Variants in FRMD5 observed in about 807,000 individuals in gnomAD.
FRMD5 encodes the protein FERM domain containing 5.
FRMD5 carries 20 observed loss-of-function variants against 69.0 expected under a neutral mutation model. The ratio of observed to expected loss-of-function variants is 0.29; its 90% CI spans 0.20 to 0.42. The LOEUF (loss-of-function observed/expected upper bound fraction) is 0.42, where lower values mean the gene tolerates loss of function less well. FRMD5 is among the 10% of genes least tolerant of loss of function. FRMD5 has a pLI of 1.00. For missense variants in FRMD5, 595 were observed against 708.6 expected (o/e 0.84, Z 1.82); for synonymous variants, 271 against 260.1 (o/e 1.04, Z -0.40).
At chr15:43,925,699 A>G (rs2089572796) in intron 1 of FRMD5, among the ~76,000 whole-genome samples, 2 of 151,914 alleles carry the variant, frequency 1.3e-5, no homozygotes, top group East Asian at 3.9e-4. Flanking sequence ...ACCCAAAATC[A>G]TTTTCCTCAC....
intron 1 of FRMD5, among the ~76,000 whole-genome samples, chr15:44,077,377 C>T (rs1385215690): frequency 3.9e-5 from 6 of 152,008 alleles, no homozygotes; most frequent in Admixed American, 3.9e-4. Context: ...GAAATGGGCA[C>T]TTATTTAAAA....
chr15:43,888,066 C>A, intron 10 of FRMD5, 109 bp downstream of exon 10: 1 of 773,118 alleles, frequency 1.3e-6, no homozygotes, highest in Non-Finnish European at 2.2e-6. Flanking sequence ...AAGCTCTTGC[C>A]CACTTCCAGC....
chr15:44,024,986 C>T (rs1566905494), intron 1 of FRMD5, among the ~76,000 whole-genome samples: 1 of 152,166 alleles, frequency 6.6e-6, no homozygotes, highest in Non-Finnish European at 1.5e-5. Flanking sequence ...TTTTAAATCT[C>T]AACTTTACCA....
At chr15:44,139,949 T>A (rs1249458796) in intron 1 of FRMD5, among the ~76,000 whole-genome samples, 1 of 151,940 alleles carries the variant, frequency 6.6e-6, no homozygotes, top group Non-Finnish European at 1.5e-5. Flanking sequence ...TGGACAAAAA[T>A]TCCCCAAGGA....
chr15:44,090,516 TACA>T lies in FRMD5; in HGVS notation c.102+104434_102+104436del, dbSNP rs1234761598. Among the ~76,000 whole-genome samples the T allele has an allele frequency of 2.6e-5, 4 of 151,946 alleles. 1 individual carries two copies. Among genetic ancestry groups the T allele is most frequent in the African/African-American group, 9.6e-5 (4 of 41,462 alleles). ...GAGCAATGGCGTGATCTCGGCTCACTACAACCTCTACCTTCTGGATTCCAGTAA... is the reference window on the plus strand; with the variant it reads ...GAGCAATGGCGTGATCTCGGCTCACTACCTCTACCTTCTGGATTCCAGTAA... On this transcript the variant is annotated intron_variant, in intron 1 of 13. Coordinates refer to ENST00000417257, the MANE Select transcript of FRMD5 (RefSeq NM_032892.5).
chr15:44,031,069 C>T (rs1891660849), intron 1 of FRMD5, among the ~76,000 whole-genome samples: 1 of 152,016 alleles, frequency 6.6e-6, no homozygotes, highest in African/African-American at 2.4e-5. Flanking sequence ...ACTAGATACT[C>T]ACATGCTCTA....
At chr15:43,977,223 G>C (rs1364468389) in intron 1 of FRMD5, among the ~76,000 whole-genome samples, 1 of 152,092 alleles carries the variant, frequency 6.6e-6, no homozygotes, top group Non-Finnish European at 1.5e-5. Context: ...TAAGGGCCAG[G>C]CTTTGTTGTG....
chr15:44,131,940 CTAT>C (rs755781604), intron 1 of FRMD5, among the ~76,000 whole-genome samples: 3 of 152,084 alleles, frequency 2.0e-5, no homozygotes, highest in African/African-American at 4.8e-5. Context: ...CACTTTATTT[CTAT>C]TATTATTACA....
intron 1 of FRMD5, among the ~76,000 whole-genome samples, chr15:44,027,336 C>A (rs549105593): frequency 2.1e-4 from 32 of 152,172 alleles, no homozygotes; most frequent in East Asian, 1.3e-3. Context: ...ACAAAAAAAA[C>A]CCAAAAAAAC....
intron 4 of FRMD5, among the ~76,000 whole-genome samples, chr15:43,912,906 G>T (rs1030059619): frequency 6.6e-6 from 1 of 151,264 alleles, no homozygotes; most frequent in Non-Finnish European, 1.5e-5. Flanking sequence ...TGGTGTCGGC[G>T]TGTAATCCCA....
At chr15:44,102,292 A>C (rs2076652005) in intron 1 of FRMD5, among the ~76,000 whole-genome samples, 1 of 152,246 alleles carries the variant, frequency 6.6e-6, no homozygotes, top group Non-Finnish European at 1.5e-5. Context: ...AAATATAGTC[A>C]AATCCAACAA....
At chr15:44,016,190 A>C (rs1373112829) in intron 1 of FRMD5, among the ~76,000 whole-genome samples, 1 of 152,202 alleles carries the variant, frequency 6.6e-6, no homozygotes, top group Admixed American at 6.5e-5. Context: ...AATGCTGACA[A>C]AATGTGGCAG....
At chr15:44,036,031 A>G (rs1409041585) in intron 1 of FRMD5, among the ~76,000 whole-genome samples, 1 of 152,206 alleles carries the variant, frequency 6.6e-6, no homozygotes, top group Non-Finnish European at 1.5e-5. Context: ...CTGACCTAAG[A>G]GAAGCCTCTG....
chr15:43,888,334 C>A lies in FRMD5; in HGVS notation c.793-68G>T, dbSNP rs1351313761. The A allele has an allele frequency of 1.1e-5, 12 of 1,118,980 alleles. No homozygotes were observed. In the East Asian group the frequency reaches 2.9e-4, roughly 27 times the overall value. The allele number at this position is 1,118,980 out of a possible 1,614,324, so 69.3% of individuals were successfully genotyped here. A position where few individuals can be genotyped will look rare whatever the true frequency, so the allele number is the denominator to read the frequency against. On this transcript the variant is annotated intron_variant, in intron 9 of 13. Transcript: ENST00000417257. ...AAGCAAAGGGTGAAGTAGGCGAGGA[C>A]CCTGACCCCAGAGCTGTTAGAGGCC...
intron 1 of FRMD5, among the ~76,000 whole-genome samples, chr15:44,143,086 C>T (rs568373313): frequency 3.3e-5 from 5 of 150,204 alleles, no homozygotes; most frequent in African/African-American, 7.4e-5. Flanking sequence ...AGCGAGACTC[C>T]GTCTCAAAAA....
chr15:44,090,150 G>T (rs184794439), intron 1 of FRMD5, among the ~76,000 whole-genome samples: 1 of 152,154 alleles, frequency 6.6e-6, no homozygotes, highest in East Asian at 1.9e-4. Flanking sequence ...AAAATCTGTG[G>T]TATAGGTGAA....
chr15:43,876,351 G>C, intron 13 of FRMD5: 1 of 843,868 alleles, frequency 1.2e-6, no homozygotes, highest in Non-Finnish European at 2.0e-6. Context: ...ACCACGGTTT[G>C]AGTCTCAAGT....
chr15:43,979,873 AAAG>A (rs2140616932), intron 1 of FRMD5, among the ~76,000 whole-genome samples: 1 of 152,344 alleles, frequency 6.6e-6, no homozygotes, highest in Non-Finnish European at 1.5e-5. Flanking sequence ...AAAAAAAATT[AAAG>A]AAGAAGCAAC....
intron 4 of FRMD5, among the ~76,000 whole-genome samples, chr15:43,916,483 T>C (rs2089389492): frequency 6.6e-6 from 1 of 152,212 alleles, no homozygotes; most frequent in South Asian, 2.1e-4. Flanking sequence ...AACGAAATAT[T>C]GAGACTTTGC....
Sources: allele counts gnomAD v4.1 joint callset (sites outside exome capture counted in the v4.1 genomes callset), GRCh38; gene constraint gnomAD v4.1.1; transcripts MANE v1.5; gene names NCBI Gene and HGNC (gene_info 2026-07-23, HGNC 2026-07-21).